The following PASD1 variants were observed in gnomAD, a reference collection of about 807,000 sequenced individuals.
PASD1 encodes the protein circadian clock protein PASD1.
Under a neutral mutation model 58.8 loss-of-function variants are expected in PASD1, and 13 were observed. The ratio of observed to expected loss-of-function variants is 0.22; its 90% CI spans 0.14 to 0.35. The LOEUF is 0.35. Among genes scored for constraint, PASD1 ranks in the 10% least tolerant of loss-of-function variants. The pLI, the probability that PASD1 is intolerant of heterozygous loss-of-function variation, is 1.00. For missense variants in PASD1, 734 were observed against 568.3 expected (o/e 1.29, Z -2.96); for synonymous variants, 236 against 216.7 (o/e 1.09, Z -0.78).
At chrX:151,633,759 G>A (rs1469725727) in intron 8 of PASD1, among the ~76,000 whole-genome samples, 1 of 111,751 alleles carries the variant, frequency 8.9e-6, no homozygotes, top group Non-Finnish European at 1.9e-5. Context: ...AAGACTTATT[G>A]AAGCAGCACT....
At chrX:151,587,377 A>T (rs1047271002) in intron 1 of PASD1, among the ~76,000 whole-genome samples, 2 of 110,792 alleles carry the variant, frequency 1.8e-5, no homozygotes, top group Non-Finnish European at 3.8e-5. Flanking sequence ...ACATTTATTC[A>T]ACATGGGTTT....
At chrX:151,612,087 C>T (rs896187404) in intron 4 of PASD1, among the ~76,000 whole-genome samples, 1 of 98,887 alleles carries the variant, frequency 1.0e-5, no homozygotes, top group Admixed American at 1.1e-4. Flanking sequence ...TTTGTCCTTG[C>T]CATAGTTTGC....
At chrX:151,597,586 A>G (rs1454633091) in intron 1 of PASD1, among the ~76,000 whole-genome samples, 1 of 110,958 alleles carries the variant, frequency 9.0e-6, no homozygotes, top group Non-Finnish European at 1.9e-5. Flanking sequence ...TTATTTCACT[A>G]CTTTTTATTT....
chrX:151,643,696 C>T (rs1262886201), intron 8 of PASD1, among the ~76,000 whole-genome samples: 1 of 112,231 alleles, frequency 8.9e-6, no homozygotes, highest in Non-Finnish European at 1.9e-5. Context: ...TATTTTACTA[C>T]TCCCTAGTGG....
intron 1 of PASD1, among the ~76,000 whole-genome samples, chrX:151,585,735 T>A (rs1251641323): frequency 8.9e-6 from 1 of 111,838 alleles, no homozygotes; most frequent in Non-Finnish European, 1.9e-5. Context: ...AATAGATTGA[T>A]GATATTCATG....
chrX:151,654,770 G>T (rs2014214521), intron 9 of PASD1, among the ~76,000 whole-genome samples: 1 of 111,294 alleles, frequency 9.0e-6, no homozygotes. Flanking sequence ...GAAGATGGTG[G>T]AATGGTGGCA....
At chrX:151,636,141 C>T in intron 8 of PASD1, among the ~76,000 whole-genome samples, 1 of 110,839 alleles carries the variant, frequency 9.0e-6, no homozygotes, top group East Asian at 2.8e-4. Context: ...ATTAATTTTG[C>T]CTTTACTAGA....
At chrX:151,659,104 C>G (rs1248152837) in intron 9 of PASD1, among the ~76,000 whole-genome samples, 1 of 112,143 alleles carries the variant, frequency 8.9e-6, no homozygotes, top group Admixed American at 9.5e-5. Context: ...CTCTTAGAGG[C>G]CTTTTCACCT....
intron 9 of PASD1, among the ~76,000 whole-genome samples, chrX:151,651,905 T>C (rs916756462): frequency 8.9e-6 from 1 of 112,388 alleles, no homozygotes; most frequent in Non-Finnish European, 1.9e-5. Context: ...TCTCAGTATC[T>C]ATGTCTCTTA....
At chrX:151,672,682 T>G (rs1322102439) in intron 14 of PASD1, 21 bp downstream of exon 14, 1 of 1,204,457 alleles carries the variant, frequency 8.3e-7, no homozygotes, top group Non-Finnish European at 1.1e-6. Context: ...CATGGAATGG[T>G]GATAGTGGCT....
At chrX:151,576,018 C>G (rs967169060) in intron 1 of PASD1, among the ~76,000 whole-genome samples, 2 of 67,603 alleles carry the variant, frequency 3.0e-5, no homozygotes, top group Non-Finnish European at 6.1e-5. Flanking sequence ...CACCTGCCAC[C>G]ATACCTAATT....
intron 8 of PASD1, among the ~76,000 whole-genome samples, chrX:151,637,172 G>A (rs1046156882): frequency 8.9e-6 from 1 of 112,265 alleles, no homozygotes; most frequent in African/African-American, 3.2e-5. Flanking sequence ...CCAGTTTTCT[G>A]GCGGTTATGA....
chrX:151,624,824 G>A, intron 7 of PASD1, among the ~76,000 whole-genome samples: 1 of 111,700 alleles, frequency 9.0e-6, no homozygotes, highest in South Asian at 3.8e-4. Context: ...ATTAAAGATG[G>A]TAAGAAAAGT....
chrX:151,611,820 T>A (rs1168133571), intron 4 of PASD1, 67 bp downstream of exon 4: 1 of 836,817 alleles, frequency 1.2e-6, no homozygotes, highest in East Asian at 3.2e-5. Flanking sequence ...CATTATTTAT[T>A]TTCTTTTTTT....
intron 9 of PASD1, among the ~76,000 whole-genome samples, chrX:151,655,567 C>G (rs995343827): frequency 8.9e-6 from 1 of 112,012 alleles, no homozygotes; most frequent in South Asian, 3.8e-4. Context: ...GAGATGGTAT[C>G]TCATTGTGGT....
Position 151,676,535 on chromosome X carries a change from A to C in PASD1, c.*392A>C. The C allele has an allele frequency of 8.0e-6, 1 of 125,442 alleles. No individual in the cohort carries two copies. The highest frequency in any genetic ancestry group is 1.6e-5 in the Non-Finnish European group (1 of 61,783). 10.3% of individuals were successfully genotyped at this position (125,442 alleles called of 1,213,427 possible). On this transcript the variant is annotated 3_prime_UTR_variant, in exon 16 of 16. Coordinates refer to ENST00000370357, the MANE Select transcript of PASD1 (RefSeq NM_173493.3). Reference sequence around the variant, plus strand: ...GCCAAAGTGCTTTTCAATCTAGTAAATCTAGAGGGTTGTTTTGTCTTAGCC... The same window carrying C: ...GCCAAAGTGCTTTTCAATCTAGTAACTCTAGAGGGTTGTTTTGTCTTAGCC...
intron 3 of PASD1, 145 bp downstream of exon 3, chrX:151,604,879 G>T (rs1343390178): frequency 1.3e-5 from 6 of 478,466 alleles, no homozygotes; most frequent in African/African-American, 7.3e-5. Flanking sequence ...GTCTGAATCA[G>T]ACTCTCAAAC....
At chrX:151,653,847 C>CTT (rs1229961657) in intron 9 of PASD1, among the ~76,000 whole-genome samples, 1 of 25,654 alleles carries the variant, frequency 3.9e-5, no homozygotes, top group Non-Finnish European at 9.0e-5. Flanking sequence ...TCCTTCCTTC[C>CTT]CTCCCTCCCT....
chrX:151,601,425 G>A, intron 1 of PASD1, 102 bp from the exon 2 acceptor site: 2 of 565,697 alleles, frequency 3.5e-6, no homozygotes, highest in Non-Finnish European at 2.9e-6. Context: ...TTCCTTGAGG[G>A]AAAAGTGTTA....
Sources: gnomAD v4.1 joint callset for allele counts (sites outside exome capture counted in the v4.1 genomes callset) on GRCh38, gnomAD v4.1.1 for gene constraint, MANE v1.5 for transcripts, NCBI Gene and HGNC (gene_info 2026-07-23, HGNC 2026-07-21) for gene names.